PHF24: variants seen among roughly 807,000 people sequenced by gnomAD.
PHF24 encodes the protein Galpha inhibitory interacting protein.
In PHF24, 25 loss-of-function variants were observed where a neutral mutation model predicts 42.6. The observed-to-expected ratio is 0.59, with a 90% CI of 0.43 to 0.82. The LOEUF (loss-of-function observed/expected upper bound fraction) is 0.82, where lower values mean the gene tolerates loss of function less well. PHF24 is among the 40% of genes least tolerant of loss of function. The pLI is 0.00. For synonymous variants in PHF24, 185 were observed against 204.8 expected, an observed-to-expected ratio of 0.90 and a Z score of 0.83; for missense variants, 470 against 538.1, an observed-to-expected ratio of 0.87 and a Z score of 1.25.
At chr9:34,670,476 G>C in the PHF24 span, among the ~76,000 whole-genome samples, 1 of 152,192 alleles carries the variant, frequency 6.6e-6, no homozygotes, top group African/African-American at 2.4e-5. Context: ...TTTCCCACTG[G>C]ATAGCTCCCC....
At chr9:34,757,161 C>T in the PHF24 span, among the ~76,000 whole-genome samples, 1 of 152,142 alleles carries the variant, frequency 6.6e-6, no homozygotes, top group Non-Finnish European at 1.5e-5. Flanking sequence ...CTTCGGTCTC[C>T]CAAAGTGCTG....
chr9:34,732,999 A>G, the PHF24 span, among the ~76,000 whole-genome samples: 206 of 152,330 alleles, frequency 1.4e-3, 1 homozygote, highest in African/African-American at 4.5e-3. Flanking sequence ...CCTCATGTGT[A>G]TAAGTTCTTG....
the PHF24 span, chr9:34,723,718 T>C: frequency 6.4e-7 from 1 of 1,551,724 alleles, no homozygotes; most frequent in African/African-American, 1.4e-5. Context: ...CCTGAGTTGG[T>C]TGGCTCAGGA....
At chr9:34,891,947 TG>T in the PHF24 span, among the ~76,000 whole-genome samples, 2 of 151,890 alleles carry the variant, frequency 1.3e-5, no homozygotes, top group East Asian at 1.9e-4. Flanking sequence ...ATGGAGAATG[TG>T]GGGGAAAAGG....
chr9:34,747,190 G>A, the PHF24 span, among the ~76,000 whole-genome samples: 3 of 152,044 alleles, frequency 2.0e-5, no homozygotes, highest in Non-Finnish European at 4.4e-5. Context: ...TGGGGGGTGG[G>A]GGTTGTTTGA....
the PHF24 span, among the ~76,000 whole-genome samples, chr9:34,934,036 T>C: frequency 6.6e-6 from 1 of 152,112 alleles, no homozygotes; most frequent in African/African-American, 2.4e-5. Flanking sequence ...TTCCAGATGA[T>C]ATATTTTTTA....
At chr9:34,847,242 T>C in the PHF24 span, among the ~76,000 whole-genome samples, 1 of 152,240 alleles carries the variant, frequency 6.6e-6, no homozygotes, top group Non-Finnish European at 1.5e-5. Context: ...ACATGGAATG[T>C]TCTTCCATTT....
the PHF24 span, among the ~76,000 whole-genome samples, chr9:34,721,710 C>G: frequency 6.6e-6 from 1 of 152,292 alleles, no homozygotes; most frequent in African/African-American, 2.4e-5. Context: ...TGTGCCCAGC[C>G]GTCCACTCTC....
the PHF24 span, among the ~76,000 whole-genome samples, chr9:34,871,723 T>C: frequency 3.9e-4 from 60 of 152,244 alleles, no homozygotes; most frequent in Admixed American, 9.2e-4. Context: ...TGGATCTGTT[T>C]CTGGGCTCTC....
At chr9:34,837,795 T>G in the PHF24 span, 1 of 794,854 alleles carries the variant, frequency 1.3e-6, no homozygotes, top group South Asian at 1.5e-5. Flanking sequence ...TCCCTTTCTA[T>G]ATATCTATCT....
chr9:34,848,178 C>G, the PHF24 span, among the ~76,000 whole-genome samples: 3 of 151,382 alleles, frequency 2.0e-5, no homozygotes, highest in South Asian at 6.4e-4. Flanking sequence ...AGGAATGGTA[C>G]CAGTTCCTCC....
chr9:34,705,316 A>T, the PHF24 span, among the ~76,000 whole-genome samples: 1 of 152,156 alleles, frequency 6.6e-6, no homozygotes, highest in Admixed American at 6.5e-5. Context: ...TTTTATTTTT[A>T]AAATTAATTT....
At chr9:34,901,911 C>T in the PHF24 span, among the ~76,000 whole-genome samples, 13 of 151,948 alleles carry the variant, frequency 8.6e-5, no homozygotes, top group African/African-American at 1.7e-4. Context: ...TACTTCAAAA[C>T]GAGGAGGTAA....
At chr9:34,675,023 AT>A in the PHF24 span, among the ~76,000 whole-genome samples, 1 of 151,850 alleles carries the variant, frequency 6.6e-6, no homozygotes, top group Non-Finnish European at 1.5e-5. Flanking sequence ...CACCCCACTA[AT>A]TTTTTGTATT....
At chr9:34,971,316 C>T in exon 2 of PHF24, 1 of 1,605,926 alleles carries the variant, frequency 6.2e-7, no homozygotes, top group South Asian at 1.1e-5. Flanking sequence ...TGTTGATGTC[C>T]AAGCGGCAGA....
chr9:34,940,669 C>T, the PHF24 span, among the ~76,000 whole-genome samples: 2 of 152,188 alleles, frequency 1.3e-5, no homozygotes, highest in African/African-American at 4.8e-5. Context: ...AGGTGTGACC[C>T]AGCCTTCACT....
At chr9:34,938,702 G>T in the PHF24 span, among the ~76,000 whole-genome samples, 1 of 152,016 alleles carries the variant, frequency 6.6e-6, no homozygotes, top group Non-Finnish European at 1.5e-5. Flanking sequence ...GGCCGAGGCC[G>T]GCGGATCACG....
the PHF24 span, among the ~76,000 whole-genome samples, chr9:34,787,686 G>A: frequency 3.9e-5 from 6 of 152,166 alleles, no homozygotes. Flanking sequence ...GCAAGATGGG[G>A]CCCAGAAATA....
chr9:34,724,992 C>G, the PHF24 span: 1 of 1,552,044 alleles, frequency 6.4e-7, no homozygotes, highest in South Asian at 1.2e-5. Context: ...CCTGGTAAAG[C>G]CTGTTGCTGC....
Sources: gnomAD v4.1 joint callset for allele counts (sites outside exome capture counted in the v4.1 genomes callset) on GRCh38, gnomAD v4.1.1 for gene constraint, MANE v1.5 for transcripts, NCBI Gene and HGNC (gene_info 2026-07-23, HGNC 2026-07-21) for gene names.